Variants in EYS observed in about 807,000 individuals in gnomAD.
EYS encodes the protein protein eyes shut homolog.
EYS carries 250 observed loss-of-function variants against 282.1 expected under a neutral mutation model. That is an observed-to-expected ratio of 0.89 (90% CI 0.80 to 0.98). The LOEUF (loss-of-function observed/expected upper bound fraction) is 0.98. Among genes scored for constraint, EYS ranks in the 50% least tolerant of loss-of-function variants. The pLI is 0.00. For synonymous variants in EYS, 1,355 were observed against 1,282.9 expected, an observed-to-expected ratio of 1.06 and a Z score of -1.20; for missense variants, 4,016 against 3,709.0, an observed-to-expected ratio of 1.08 and a Z score of -2.15.
intron 31 of EYS, among the ~76,000 whole-genome samples, chr6:64,145,057 A>G (rs1180953822): frequency 6.6e-6 from 1 of 152,166 alleles, no homozygotes. Flanking sequence ...TTATTCTATG[A>G]ACACAAAAGG....
chr6:63,771,538 G>C (rs138032783), intron 40 of EYS, among the ~76,000 whole-genome samples: 12 of 152,232 alleles, frequency 7.9e-5, no homozygotes, highest in Non-Finnish European at 1.3e-4. Context: ...TCTGTGATAT[G>C]GAATACACAG....
At chr6:65,278,690 T>C (rs1768132473) in intron 12 of EYS, among the ~76,000 whole-genome samples, 1 of 152,116 alleles carries the variant, frequency 6.6e-6, no homozygotes, top group South Asian at 2.1e-4. Flanking sequence ...ATATAATTTA[T>C]CATTTGTTGC....
intron 22 of EYS, among the ~76,000 whole-genome samples, chr6:64,700,736 A>G (rs1353381403): frequency 6.6e-6 from 1 of 152,020 alleles, no homozygotes; most frequent in African/African-American, 2.4e-5. Context: ...ATTCAAACAA[A>G]TGAAAAAAAC....
chr6:64,963,425 A>G (rs1769990330), intron 14 of EYS, among the ~76,000 whole-genome samples: 1 of 152,170 alleles, frequency 6.6e-6, no homozygotes, highest in Non-Finnish European at 1.5e-5. Flanking sequence ...CCCTTCGTTC[A>G]GGAATTTCCC....
chr6:63,999,016 A>G lies in EYS; in HGVS notation c.6834+59T>C, dbSNP rs148721927. On this transcript the variant is annotated intron_variant, in intron 34 of 42. Transcript: ENST00000503581. Reference sequence around the variant, plus strand: ...ATTACTGCTTAGTAACATAAAAAATACTTATCTGAAATACTGAGGGCACAA... The same window carrying G: ...ATTACTGCTTAGTAACATAAAAAATGCTTATCTGAAATACTGAGGGCACAA... 338 of 1,036,840 alleles carry G rather than the reference A, an allele frequency of 3.3e-4. 2 individuals carry two copies. The highest frequency in any genetic ancestry group is 3.2e-3 in the African/African-American group (201 of 62,612). 64.2% of individuals were successfully genotyped at this position (1,036,840 alleles called of 1,614,324 possible).
At position 64,675,428 on chromosome 6, in the gene EYS, C is replaced by CTTTTTTTTTTTT. The variant is rs56346431; in HGVS notation, c.3444-49195_3444-49184dup. On this transcript the variant is annotated intron_variant, in intron 22 of 42. Transcript: ENST00000503581. ...GTTTTTCCTGTTTCTCTTTTTTTTT[C>CTTTTTTTTTTTT]TTTTTTTTTTTTTTTTTGAGATGGA... Among the ~76,000 whole-genome samples, 418 of 114,556 alleles carry CTTTTTTTTTTTT rather than the reference C, an allele frequency of 3.6e-3. 4 individuals are homozygous for CTTTTTTTTTTTT. Among genetic ancestry groups the CTTTTTTTTTTTT allele is most frequent in the Middle Eastern group, 5.6e-3 (1 of 180 alleles). 75.2% of individuals were successfully genotyped at this position (114,556 alleles called of 152,430 possible).
intron 11 of EYS, among the ~76,000 whole-genome samples, chr6:65,311,794 A>T (rs937203096): frequency 1.3e-5 from 2 of 152,194 alleles, no homozygotes; most frequent in Admixed American, 1.3e-4. Flanking sequence ...CTCATTATGT[A>T]TCCCAAAGCA....
chr6:64,863,453 C>T (rs1202745466), intron 19 of EYS, among the ~76,000 whole-genome samples: 3 of 152,258 alleles, frequency 2.0e-5, no homozygotes, highest in South Asian at 2.1e-4. Context: ...ATATAGATCA[C>T]ACTTTTTTTC....
rs564677160 is a variant in EYS at position 63,852,123 on chromosome 6, C to T, written c.7228+12063G>A. 4.0e-3 allele frequency among the ~76,000 whole-genome samples: 539 copies of T among 133,236 alleles called. 4 individuals carry two copies. The highest frequency in any genetic ancestry group is 0.015 in the African/African-American group (524 of 35,336). 87.4% of individuals were successfully genotyped at this position (133,236 alleles called of 152,430 possible). On this transcript the variant is annotated intron_variant, in intron 36 of 42. Coordinates refer to ENST00000503581, the MANE Select transcript of EYS (RefSeq NM_001142800.2). ...AGTGAGCCGAGATCCCGCCACTGCACTCCAGCCTGGGCGACAGAGCGAGAC... is the reference window on the plus strand; with the variant it reads ...AGTGAGCCGAGATCCCGCCACTGCATTCCAGCCTGGGCGACAGAGCGAGAC...
intron 22 of EYS, among the ~76,000 whole-genome samples, chr6:64,672,270 G>A (rs1276393735): frequency 6.6e-6 from 1 of 152,156 alleles, no homozygotes; most frequent in Non-Finnish European, 1.5e-5. Flanking sequence ...CCACAGAACA[G>A]CAGTGTTGCA....
chr6:64,718,543 A>C (rs1397588394), intron 22 of EYS, among the ~76,000 whole-genome samples: 2 of 152,062 alleles, frequency 1.3e-5, no homozygotes, highest in Admixed American at 1.3e-4. Flanking sequence ...TCCCTTATGA[A>C]GTTGTTGAAT....
chr6:65,613,137 T>C (rs966157660), intron 2 of EYS, among the ~76,000 whole-genome samples: 1 of 151,912 alleles, frequency 6.6e-6, no homozygotes, highest in Non-Finnish European at 1.5e-5. Context: ...GTCTGTCTTA[T>C]AACTTTAATT....
chr6:65,606,086 C>T (rs1481919066), intron 2 of EYS, among the ~76,000 whole-genome samples: 1 of 151,372 alleles, frequency 6.6e-6, no homozygotes, highest in Non-Finnish European at 1.5e-5. Context: ...CCAATAGTCG[C>T]AAATTTTTAA....
chr6:63,807,488 G>T (rs536253234), intron 36 of EYS, among the ~76,000 whole-genome samples: 2 of 152,214 alleles, frequency 1.3e-5, no homozygotes, highest in African/African-American at 4.8e-5. Flanking sequence ...TCAAAGGCTT[G>T]TATATCTTTG....
intron 12 of EYS, among the ~76,000 whole-genome samples, chr6:65,099,294 T>C (rs996676992): frequency 6.6e-6 from 1 of 150,632 alleles, no homozygotes; most frequent in African/African-American, 2.4e-5. Flanking sequence ...TCTTAAAAGG[T>C]GTTCTAGTGG....
In EYS at chr6:64,532,634, G is replaced by A. The variant is rs573491407; in HGVS notation, c.5644+57589C>T. ...TGAGGCAGGAGAAAGGCGTGAACCC[G>A]GGAGGTGGAGTTTGCAGTGAGCTGA... On this transcript the variant is annotated intron_variant, in intron 26 of 42. Coordinates refer to ENST00000503581, the MANE Select transcript of EYS (RefSeq NM_001142800.2). Among the ~76,000 whole-genome samples, 5 of 152,192 alleles carry A rather than the reference G, an allele frequency of 3.3e-5. No homozygotes were observed. The South Asian group carries it at 8.3e-4, about 25-fold the overall frequency.
In EYS at chr6:64,610,134, G is replaced by T. The variant is rs565730025; in HGVS notation, c.3684+7284C>A. On this transcript the variant is annotated intron_variant, in intron 24 of 42. Transcript: ENST00000503581. ...AGCCAAGCTTTTAATTCATCCACAT[G>T]TTCATGCTGTAAGTGAAGAAACAGG... Among the ~76,000 whole-genome samples the T allele has an allele frequency of 3.3e-5, 5 of 152,100 alleles. No homozygotes were observed. The South Asian group carries it at 1.0e-3, about 32-fold the overall frequency.
At chr6:64,814,946 T>A (rs543609232) in intron 21 of EYS, among the ~76,000 whole-genome samples, 125 of 152,082 alleles carry the variant, frequency 8.2e-4, no homozygotes, top group Admixed American at 1.4e-3. Context: ...AGTGACTTTT[T>A]AAAAAAGTAT....
At chr6:64,880,954 A>T (rs7774169) in intron 19 of EYS, among the ~76,000 whole-genome samples, 1 of 150,440 alleles carries the variant, frequency 6.6e-6, no homozygotes. Context: ...TTTTTTTTTG[A>T]TCATAGCTTT....
Sources: allele counts gnomAD v4.1 joint callset (sites outside exome capture counted in the v4.1 genomes callset), GRCh38; gene constraint gnomAD v4.1.1; transcripts MANE v1.5; gene names NCBI Gene and HGNC (gene_info 2026-07-23, HGNC 2026-07-21).